The following C2orf76 variants were observed in gnomAD, a reference collection of about 807,000 sequenced individuals.
The protein encoded by C2orf76 is chromosome 2 open reading frame 76, also known as UPF0538 protein C2orf76.
Under a neutral mutation model 16.9 loss-of-function variants are expected in C2orf76, and 23 were observed. That is an observed-to-expected ratio of 1.36 (90% CI 0.98 to 1.93). The LOEUF (loss-of-function observed/expected upper bound fraction) is 1.93, where lower values mean the gene tolerates loss of function less well. Among genes scored for constraint, C2orf76 ranks in the 30% most tolerant of loss-of-function variants. The pLI is 0.00. For missense variants in C2orf76, 152 were observed against 152.6 expected (o/e 1.00, Z 0.02); for synonymous variants, 48 against 52.3 (o/e 0.92, Z 0.35).
Position 119,321,070 on chromosome 2 carries a change from T to C in C2orf76, c.184+84A>G, listed in dbSNP as rs902645804. ...ATTGGTTTTTATTTACAGATAGTCA[T>C]TTTTGAAAACAAAATTTAAGTTTGT... On this transcript the variant is annotated intron_variant, in intron 3 of 5. Transcript: ENST00000334816. 2.7e-6 allele frequency: 2 copies of C among 733,858 alleles called. 1 individual carries two copies. 45.5% of individuals were successfully genotyped at this position (733,858 alleles called of 1,614,324 possible). A position where few individuals can be genotyped will look rare whatever the true frequency, so the allele number is the denominator to read the frequency against.
chr2:119,290,038 A>G, the C2orf76 span, among the ~76,000 whole-genome samples: 14 of 151,964 alleles, frequency 9.2e-5, no homozygotes, highest in Admixed American at 9.2e-4. Flanking sequence ...GTGTGAGAAC[A>G]TTCAGTCTTC....
intron 1 of C2orf76, among the ~76,000 whole-genome samples, chr2:119,348,660 T>C (rs1350379559): frequency 1.3e-5 from 2 of 151,600 alleles, no homozygotes; most frequent in African/African-American, 4.9e-5. Context: ...TACTCCAGCC[T>C]GGAAGACAAG....
intron 3 of C2orf76, among the ~76,000 whole-genome samples, chr2:119,318,553 G>C (rs535996455): frequency 6.9e-6 from 1 of 144,890 alleles, no homozygotes; most frequent in African/African-American, 2.6e-5. Context: ...TTTTTGAGAC[G>C]GAGTCTTGCT....
chr2:119,367,114 G>A (rs1478617635), upstream of C2orf76: 1 of 1,610,420 alleles, frequency 6.2e-7, no homozygotes, highest in South Asian at 1.1e-5. Flanking sequence ...GAGGCCCGTT[G>A]GGGGCTCAGC....
chr2:119,324,169 A>G (rs916679037), intron 2 of C2orf76, among the ~76,000 whole-genome samples: 2 of 152,226 alleles, frequency 1.3e-5, no homozygotes, highest in African/African-American at 4.8e-5. Context: ...AGATGGCCCC[A>G]TGAAGCTATT....
intron 1 of C2orf76, among the ~76,000 whole-genome samples, chr2:119,348,909 C>T (rs1680294112): frequency 6.6e-6 from 1 of 152,178 alleles, no homozygotes. Context: ...ATCGCTTCAG[C>T]CTGGGAGGCA....
Position 119,317,487 on chromosome 2 carries a change from A to C in C2orf76, c.201T>G (p.Ile67Met). ...RNYKYDALKI[I>M]HQAHKSKTNE... ...ATACCTTTGATTTATGTGCTTGATG[A>C]ATAATCTTTAGTGCATCTGAAAGAA... is the stretch of plus-strand genomic sequence containing the variant. Residue 67 changes from isoleucine to methionine, a missense_variant, in exon 4 of 6, where the codon ATT becomes ATG. Coordinates refer to ENST00000334816, the MANE Select transcript of C2orf76 (RefSeq NM_001322331.2). The C allele has an allele frequency of 6.2e-7, 1 of 1,604,968 alleles. No homozygotes were observed. The highest frequency in any genetic ancestry group is 8.5e-7 in the Non-Finnish European group (1 of 1,174,394).
chr2:119,322,725 A>G (rs982901081), intron 2 of C2orf76, among the ~76,000 whole-genome samples: 3 of 152,158 alleles, frequency 2.0e-5, no homozygotes, highest in African/African-American at 7.2e-5. Flanking sequence ...TACTAACATG[A>G]TAAGATCTTC....
At chr2:119,321,432 T>C (rs1298389996) in intron 2 of C2orf76, among the ~76,000 whole-genome samples, 3 of 152,120 alleles carry the variant, frequency 2.0e-5, no homozygotes, top group Non-Finnish European at 4.4e-5. Flanking sequence ...AAAAAATGTT[T>C]AATGGACTGG....
intron 5 of C2orf76, among the ~76,000 whole-genome samples, chr2:119,309,289 T>C (rs1032961547): frequency 6.6e-6 from 1 of 152,150 alleles, no homozygotes; most frequent in Non-Finnish European, 1.5e-5. Context: ...GGTGGAGCTA[T>C]TTTTTATGTG....
intron 1 of C2orf76, chr2:119,366,323 G>GC (rs1680987636): frequency 2.4e-6 from 1 of 420,456 alleles, no homozygotes; most frequent in African/African-American, 2.1e-5. Context: ...GTTAAATCAA[G>GC]ACAAATAAGA....
At chr2:119,303,788 G>C (rs994976383) in intron 5 of C2orf76, among the ~76,000 whole-genome samples, 1 of 152,168 alleles carries the variant, frequency 6.6e-6, no homozygotes, top group Non-Finnish European at 1.5e-5. Flanking sequence ...GCCACCCATA[G>C]TCACAGATCC....
the C2orf76 span, among the ~76,000 whole-genome samples, chr2:119,283,632 G>A: frequency 6.6e-6 from 1 of 151,816 alleles, no homozygotes; most frequent in South Asian, 2.1e-4. Flanking sequence ...CCACCACCAC[G>A]CCCAGCTAAT....
downstream of C2orf76, among the ~76,000 whole-genome samples, chr2:119,300,230 A>G (rs1242162678): frequency 6.6e-6 from 1 of 152,180 alleles, no homozygotes; most frequent in Non-Finnish European, 1.5e-5. Flanking sequence ...TAACTACCAC[A>G]CCATATTTGC....
At chr2:119,331,643 C>A (rs1175254824) in intron 2 of C2orf76, among the ~76,000 whole-genome samples, 1 of 152,204 alleles carries the variant, frequency 6.6e-6, no homozygotes, top group Non-Finnish European at 1.5e-5. Context: ...ACCAGCTTTG[C>A]CTGAATTCCC....
the C2orf76 span, among the ~76,000 whole-genome samples, chr2:119,292,089 A>T: frequency 2.0e-5 from 3 of 152,270 alleles, no homozygotes; most frequent in Admixed American, 2.0e-4. Flanking sequence ...AAGACAAATG[A>T]TTCCAATATA....
At chr2:119,332,026 T>C (rs896340924) in intron 2 of C2orf76, among the ~76,000 whole-genome samples, 1 of 151,416 alleles carries the variant, frequency 6.6e-6, no homozygotes, top group Admixed American at 6.6e-5. Flanking sequence ...AAAAAAAAAA[T>C]CAGTGGAAAA....
At chr2:119,359,005 T>C (rs1185195384) in intron 1 of C2orf76, among the ~76,000 whole-genome samples, 1 of 152,196 alleles carries the variant, frequency 6.6e-6, no homozygotes, top group African/African-American at 2.4e-5. Context: ...CGCCTGGTTT[T>C]AAAGCTTCAA....
At chr2:119,306,094 G>A (rs767904456) in intron 5 of C2orf76, among the ~76,000 whole-genome samples, 5 of 152,122 alleles carry the variant, frequency 3.3e-5, no homozygotes, top group African/African-American at 7.2e-5. Flanking sequence ...TCCTGGGTCC[G>A]ACACCCACAT....
Sources: allele counts gnomAD v4.1 joint callset (sites outside exome capture counted in the v4.1 genomes callset), GRCh38; gene constraint gnomAD v4.1.1; transcripts MANE v1.5; gene names NCBI Gene and HGNC (gene_info 2026-07-23, HGNC 2026-07-21).